CECR2: variants seen among roughly 807,000 people sequenced by gnomAD.
The protein encoded by CECR2 is chromatin remodeling regulator CECR2.
A neutral mutation model predicts 154.5 loss-of-function variants in CECR2; 30 were observed. The observed-to-expected ratio is 0.19, with a 90% CI of 0.15 to 0.26. The LOEUF is 0.26. Among genes scored for constraint, CECR2 ranks in the 10% least tolerant of loss-of-function variants. The probability of loss-of-function intolerance (pLI) is 1.00; values close to 1 mark genes in which losing one functional copy is unlikely to be tolerated. For missense variants in CECR2, 1,743 were observed against 1,829.3 expected (o/e 0.95, Z 0.86); for synonymous variants, 725 against 683.7 (o/e 1.06, Z -0.94).
chr22:17,484,676 G>A (rs1240527407), intron 2 of CECR2, among the ~76,000 whole-genome samples: 1 of 152,074 alleles, frequency 6.6e-6, no homozygotes, highest in Non-Finnish European at 1.5e-5. Flanking sequence ...CAAGGTGGGC[G>A]GATCACTTGA....
At chr22:17,418,281 C>T (rs1172545002) in intron 1 of CECR2, among the ~76,000 whole-genome samples, 1 of 152,164 alleles carries the variant, frequency 6.6e-6, no homozygotes, top group East Asian at 1.9e-4. Flanking sequence ...TTTTACTTGT[C>T]CTTCCCAGGC....
chr22:17,413,851 T>TG (rs1325412476), intron 1 of CECR2, among the ~76,000 whole-genome samples: 4 of 149,286 alleles, frequency 2.7e-5, no homozygotes, highest in African/African-American at 4.9e-5. Flanking sequence ...TAATTTTTTT[T>TG]TTTTTTTAGT....
chr22:17,538,619 G>T lies in CECR2; in HGVS notation c.1277-21G>T, dbSNP rs79535652. The T allele has an allele frequency of 3.8e-3, 6,084 of 1,613,788 alleles. 200 individuals are homozygous for T. The African/African-American group carries it at 0.072, about 19-fold the overall frequency. ...AAGTTTTCCTCTGTGAGTGTGTTAA[G>T]ATCTCTTCTCTGGCTTTCAGTTCTA... On this transcript the variant is annotated intron_variant, in intron 11 of 18. Coordinates refer to ENST00000262608, the MANE Select transcript of CECR2 (RefSeq NM_001290047.2).
At position 17,419,842 on chromosome 22, in the gene CECR2, TC is replaced by T. The variant is rs1416834370; in HGVS notation, c.126+49934del. On this transcript the variant is annotated intron_variant, in intron 1 of 18. Transcript: ENST00000262608. The stretch of plus-strand genomic sequence containing the variant: ...GCTCAGAGGATTAGAGGATTGAGTT[TC>T]GAAAGAAATAATTGGCAAGATAATG... 1.4e-5 allele frequency: 4 copies of T among 276,956 alleles called. No individual in the cohort carries two copies. The East Asian group carries it at 2.8e-4, about 20-fold the overall frequency. 17.2% of individuals were successfully genotyped at this position (276,956 alleles called of 1,614,324 possible). A position where few individuals can be genotyped will look rare whatever the true frequency, so the allele number is the denominator to read the frequency against.
At chr22:17,376,834 C>T (rs1425259005) in intron 1 of CECR2, among the ~76,000 whole-genome samples, 1 of 151,964 alleles carries the variant, frequency 6.6e-6, no homozygotes, top group Non-Finnish European at 1.5e-5. Context: ...GATGGGGTTT[C>T]GCTGTGTTGG....
intron 1 of CECR2, among the ~76,000 whole-genome samples, chr22:17,476,233 G>T (rs1378930183): frequency 4.0e-5 from 6 of 150,806 alleles, no homozygotes; most frequent in African/African-American, 1.5e-4. Flanking sequence ...CTCCCATAGC[G>T]TGTTTTCTGT....
At chr22:17,432,593 A>G (rs1301580380) in intron 1 of CECR2, among the ~76,000 whole-genome samples, 1 of 152,226 alleles carries the variant, frequency 6.6e-6, no homozygotes, top group Non-Finnish European at 1.5e-5. Flanking sequence ...CCAGCAGTGT[A>G]TGAGGATTCC....
chr22:17,485,667 G>T (rs550889875), intron 2 of CECR2, among the ~76,000 whole-genome samples: 2 of 152,120 alleles, frequency 1.3e-5, no homozygotes, highest in African/African-American at 4.8e-5. Context: ...CCAGGTACTC[G>T]GGAGGCTGAG....
chr22:17,413,623 G>A (rs1327446866), intron 1 of CECR2, among the ~76,000 whole-genome samples: 1 of 152,072 alleles, frequency 6.6e-6, no homozygotes, highest in Non-Finnish European at 1.5e-5. Flanking sequence ...TAGATGTGTG[G>A]TCTAAAGATA....
chr22:17,538,478 G>C (rs775780966), intron 10 of CECR2, 42 bp from the exon 11 acceptor site: 27 of 1,569,038 alleles, frequency 1.7e-5, no homozygotes, highest in Non-Finnish European at 2.4e-5. Context: ...AGGAGAGAAG[G>C]TGGTCAGAGT....
At position 17,542,626 on chromosome 22, in the gene CECR2, G is replaced by T. The variant is rs1249984919; in HGVS notation, c.2483G>T (p.Gly828Val). The T allele has an allele frequency of 2.5e-6, 4 of 1,613,858 alleles. No individual in the cohort carries two copies. The highest frequency in any genetic ancestry group is 3.4e-6 in the Non-Finnish European group (4 of 1,179,908). ...CCCAACCAGTGGACTGAACAATCAGGCTTCCTACCTCATGGAGTTCCTTCC... is the reference window on the plus strand; with the variant it reads ...CCCAACCAGTGGACTGAACAATCAGTCTTCCTACCTCATGGAGTTCCTTCC... ...VPPNQWTEQS[G>V]FLPHGVPSSG... The change falls in exon 16 of 19, where the codon GGC (glycine) becomes GTC (valine). Residue 828 changes from glycine to valine, a missense_variant. This residue lies in a region of CECR2 where 1,250 missense variants were observed against 1,192.1 expected (regional missense o/e 1.05). Coordinates refer to ENST00000262608, the MANE Select transcript of CECR2 (RefSeq NM_001290047.2).
chr22:17,378,155 TTG>T (rs1166597893), intron 1 of CECR2, among the ~76,000 whole-genome samples: 1 of 150,354 alleles, frequency 6.7e-6, no homozygotes, highest in Non-Finnish European at 1.5e-5. Context: ...GGCTAATTTT[TTG>T]TGTTTTTAGT....
chr22:17,419,800 T>A lies in CECR2; in HGVS notation c.126+49891T>A, dbSNP rs543304721. 3 of 285,110 alleles carry A rather than the reference T, an allele frequency of 1.1e-5. No homozygotes were observed. The East Asian group carries it at 2.6e-4, about 25-fold the overall frequency. 17.7% of individuals were successfully genotyped at this position (285,110 alleles called of 1,614,324 possible). A position where few individuals can be genotyped will look rare whatever the true frequency, so the allele number is the denominator to read the frequency against. On this transcript the variant is annotated intron_variant, in intron 1 of 18. Transcript: ENST00000262608. The stretch of plus-strand genomic sequence containing the variant: ...AACAGAGAGGCATTGGTCAAAAAAT[T>A]TGGTGCTCAGAATATAGCTCAGAGG...
chr22:17,386,712 G>A (rs62241129), intron 1 of CECR2, among the ~76,000 whole-genome samples: 4,933 of 151,216 alleles, frequency 0.033, 116 homozygotes, highest in Middle Eastern at 0.065. Context: ...GTGCAATGGC[G>A]GGATCTCAGC....
At chr22:17,409,084 C>T (rs1303813996) in intron 1 of CECR2, among the ~76,000 whole-genome samples, 1 of 152,116 alleles carries the variant, frequency 6.6e-6, no homozygotes, top group African/African-American at 2.4e-5. Context: ...CTATCTATAG[C>T]TTGTTCTGTT....
At chr22:17,546,565 G>A (rs987261145) in intron 16 of CECR2, among the ~76,000 whole-genome samples, 11 of 151,730 alleles carry the variant, frequency 7.2e-5, no homozygotes, top group Non-Finnish European at 1.2e-4. Context: ...TGAAAAGTAC[G>A]GTTTTTCACT....
At chr22:17,467,748 C>T (rs2055057324) in intron 1 of CECR2, among the ~76,000 whole-genome samples, 1 of 152,030 alleles carries the variant, frequency 6.6e-6, no homozygotes, top group African/African-American at 2.4e-5. Flanking sequence ...TGCCATTGCA[C>T]TCCAGCCTGC....
chr22:17,363,056 TTTTG>T (rs2062984983), intron 1 of CECR2, among the ~76,000 whole-genome samples: 1 of 151,076 alleles, frequency 6.6e-6, no homozygotes, highest in Admixed American at 6.6e-5. Context: ...TTCTTTTTTT[TTTTG>T]TTTTTTTGAG....
chr22:17,488,560 T>A (rs2055466967), intron 2 of CECR2, among the ~76,000 whole-genome samples: 1 of 152,222 alleles, frequency 6.6e-6, no homozygotes, highest in African/African-American at 2.4e-5. Context: ...CAGTGTGAAA[T>A]GAACTCACAT....
Sources: gnomAD v4.1 joint callset for allele counts (sites outside exome capture counted in the v4.1 genomes callset) on GRCh38, gnomAD v4.1.1 for gene constraint, gnomAD v4.1.1 regional missense constraint, MANE v1.5 for transcripts, NCBI Gene and HGNC (gene_info 2026-07-23, HGNC 2026-07-21) for gene names.